Variants in PPFIA2 observed in about 807,000 individuals in gnomAD.
PPFIA2 encodes PPFI scaffold protein A2, also known as liprin-alpha-2.
In PPFIA2, 46 loss-of-function variants were observed where a neutral mutation model predicts 175.5. That is an observed-to-expected ratio of 0.26 (90% CI 0.21 to 0.34). The LOEUF (loss-of-function observed/expected upper bound fraction) is 0.34, where lower values mean the gene tolerates loss of function less well. Ranked by LOEUF, PPFIA2 falls within the 10% of genes least tolerant of loss-of-function variation. The pLI is 1.00. For synonymous variants in PPFIA2, 568 were observed against 511.4 expected (o/e 1.11, Z -1.49); for missense variants, 1,179 against 1,506.1 (o/e 0.78, Z 3.60).
intron 4 of PPFIA2, 92 bp from the exon 5 acceptor site, chr12:81,457,958 GA>G: frequency 2.7e-5 from 22 of 802,052 alleles, no homozygotes; most frequent in Non-Finnish European, 3.3e-5. Context: ...AAAGAATGGG[GA>G]AAAATGACCC....
chr12:81,639,606 A>G (rs2064666817), intron 4 of PPFIA2, among the ~76,000 whole-genome samples: 1 of 150,908 alleles, frequency 6.6e-6, no homozygotes, highest in African/African-American at 2.4e-5. Flanking sequence ...TTATGCAGTT[A>G]CAACAGGTGA....
At position 81,330,176 on chromosome 12, in the gene PPFIA2, C is replaced by T. The variant is rs138472991; in HGVS notation, c.2549-4306G>A. ...GCCATGAACAGAGGATTCTCATGCT[C>T]CTACGCACGATAGCAACAACAACAA... is the stretch of plus-strand genomic sequence containing the variant. On this transcript the variant is annotated intron_variant, in intron 21 of 32. Transcript: ENST00000549396. Among the ~76,000 whole-genome samples, 80 of 152,166 alleles carry T rather than the reference C, an allele frequency of 5.3e-4. 1 individual carries two copies. The highest frequency in any genetic ancestry group is 1.9e-3 in the African/African-American group (79 of 41,512).
chr12:81,691,527 C>T (rs117580657), intron 3 of PPFIA2, among the ~76,000 whole-genome samples: 2,835 of 152,190 alleles, frequency 0.019, 54 homozygotes, highest in Non-Finnish European at 0.028. Context: ...AATGCTCAGG[C>T]ACAATGACAA....
intron 7 of PPFIA2, among the ~76,000 whole-genome samples, chr12:81,413,439 CT>C (rs1179000830): frequency 2.6e-5 from 4 of 151,550 alleles, no homozygotes; most frequent in African/African-American, 9.7e-5. Flanking sequence ...GTAGAGCTCA[CT>C]GGGGAAATAA....
chr12:81,742,746 G>A (rs939658905), intron 3 of PPFIA2, among the ~76,000 whole-genome samples: 1 of 152,154 alleles, frequency 6.6e-6, no homozygotes, highest in Admixed American at 6.5e-5. Context: ...TGGCCCTGGA[G>A]TAATCAAGCA....
At chr12:81,588,153 G>A (rs2895887) in intron 4 of PPFIA2, among the ~76,000 whole-genome samples, 137,640 of 151,950 alleles carry the variant, frequency 0.91, 62,600 homozygotes, top group East Asian at 1. Context: ...TCTTGAATTA[G>A]GTTTCAGGGA....
At position 81,384,157 on chromosome 12, in the gene PPFIA2, T is replaced by C; in HGVS notation, c.850A>G (p.Met284Val). The change falls in exon 9 of 33, where the codon ATG (methionine) becomes GTG (valine). Residue 284 changes from methionine to valine, a missense_variant. Met to Val is a conservative substitution (Grantham distance 21, BLOSUM62 1). Transcript: ENST00000549396. Reference sequence around the variant, plus strand: ...GCTAAACGTTCTTTCATCTGGGCCATTTCATAGTTTTGCTTTTCAAGCAAT... The same window carrying C: ...GCTAAACGTTCTTTCATCTGGGCCACTTCATAGTTTTGCTTTTCAAGCAAT... ...QELLEKQNYE[M>V]AQMKERLAAL... The C allele has an allele frequency of 5.6e-6, 9 of 1,612,308 alleles. No individual in the cohort carries two copies. Among genetic ancestry groups the C allele is most frequent in the Non-Finnish European group, 6.8e-6 (8 of 1,178,956 alleles).
chr12:81,468,125 G>A (rs576444945), intron 4 of PPFIA2, among the ~76,000 whole-genome samples: 94 of 152,156 alleles, frequency 6.2e-4, no homozygotes, highest in Non-Finnish European at 1.1e-3. Flanking sequence ...CCTTGTTCTG[G>A]TCTTATTGTA....
In PPFIA2 at chr12:81,258,731, T is replaced by C. The variant is rs1422120036; in HGVS notation, c.*963A>G. On this transcript the variant is annotated 3_prime_UTR_variant, in exon 33 of 33. Coordinates refer to ENST00000549396, the MANE Select transcript of PPFIA2 (RefSeq NM_003625.5). ...GTTACATTGACAAAAGGGAAAGGTA[T>C]CTTGGGTTTCGTTTTCTCTAGTGGA... 1 of 152,058 alleles carries C rather than the reference T, an allele frequency of 6.6e-6. No homozygotes were observed. Among genetic ancestry groups the C allele is most frequent in the Non-Finnish European group, 1.5e-5 (1 of 67,998 alleles). 9.4% of individuals were successfully genotyped at this position (152,058 alleles called of 1,614,324 possible).
intron 26 of PPFIA2, among the ~76,000 whole-genome samples, chr12:81,282,477 T>C (rs1356428133): frequency 1.3e-5 from 2 of 152,118 alleles, no homozygotes; most frequent in Admixed American, 6.6e-5. Flanking sequence ...TGTGGAAATG[T>C]AGAAAAAATG....
intron 4 of PPFIA2, among the ~76,000 whole-genome samples, chr12:81,539,428 C>A (rs944395513): frequency 4.6e-5 from 7 of 151,978 alleles, no homozygotes; most frequent in African/African-American, 1.4e-4. Context: ...GGAAAAGAAG[C>A]TAGCAATGAA....
chr12:81,360,356 C>T (rs1231196065), intron 15 of PPFIA2, among the ~76,000 whole-genome samples: 2 of 151,886 alleles, frequency 1.3e-5, no homozygotes, highest in Non-Finnish European at 2.9e-5. Context: ...TCCTGAATCT[C>T]CTGTGACTCT....
intron 8 of PPFIA2, among the ~76,000 whole-genome samples, chr12:81,396,196 G>A (rs564342197): frequency 4.7e-4 from 71 of 152,068 alleles, no homozygotes; most frequent in African/African-American, 1.6e-3. Flanking sequence ...TCTTGAACAC[G>A]TATTTATTAA....
chr12:81,415,731 A>G (rs2143193527), intron 7 of PPFIA2, among the ~76,000 whole-genome samples: 1 of 151,118 alleles, frequency 6.6e-6, no homozygotes, highest in African/African-American at 2.4e-5. Flanking sequence ...ATATATTCTC[A>G]GGTAGAAAGT....
chr12:81,631,918 T>G (rs1319101211), intron 4 of PPFIA2, among the ~76,000 whole-genome samples: 1 of 152,220 alleles, frequency 6.6e-6, no homozygotes, highest in Non-Finnish European at 1.5e-5. Flanking sequence ...CAATAACTAT[T>G]TAGTACATCT....
intron 4 of PPFIA2, among the ~76,000 whole-genome samples, chr12:81,500,640 A>G (rs933721294): frequency 6.6e-6 from 1 of 152,212 alleles, no homozygotes; most frequent in Non-Finnish European, 1.5e-5. Context: ...TTAAAATTTA[A>G]CTTAAATTAA....
chr12:81,363,397 T>TAA, intron 14 of PPFIA2, among the ~76,000 whole-genome samples: 1 of 151,638 alleles, frequency 6.6e-6, no homozygotes, highest in Admixed American at 6.6e-5. Context: ...TTGTCACCAT[T>TAA]ATTTGTACTT....
At chr12:81,352,096 A>G (rs74103993) in intron 17 of PPFIA2, among the ~76,000 whole-genome samples, 9,548 of 152,048 alleles carry the variant, frequency 0.063, 386 homozygotes, top group African/African-American at 0.12. Flanking sequence ...ACTGAATTTT[A>G]TCTCCCACCT....
At chr12:81,576,174 T>C (rs959940338) in intron 4 of PPFIA2, among the ~76,000 whole-genome samples, 1 of 151,610 alleles carries the variant, frequency 6.6e-6, no homozygotes, top group African/African-American at 2.4e-5. Context: ...GAATGGGGTG[T>C]CCTTCAATAA....
Sources: gnomAD v4.1 joint callset for allele counts (sites outside exome capture counted in the v4.1 genomes callset) on GRCh38, gnomAD v4.1.1 for gene constraint, MANE v1.5 for transcripts, NCBI Gene and HGNC (gene_info 2026-07-23, HGNC 2026-07-21) for gene names.